AHCYL2: variants seen among roughly 807,000 people sequenced by gnomAD.
The protein encoded by AHCYL2 is S-adenosylhomocysteine hydrolase-like protein 2.
Under a neutral mutation model 81.4 loss-of-function variants are expected in AHCYL2, and 28 were observed. That is an observed-to-expected ratio of 0.34 (90% confidence interval 0.25 to 0.47). The LOEUF is 0.47. Among genes scored for constraint, AHCYL2 ranks in the 20% least tolerant of loss-of-function variants. The probability of loss-of-function intolerance (pLI) is 1.00; values close to 1 mark genes in which losing one functional copy is unlikely to be tolerated. For missense variants in AHCYL2, 551 were observed against 785.1 expected (o/e 0.70, Z 3.56); for synonymous variants, 272 against 290.2 (o/e 0.94, Z 0.64).
At chr7:129,416,166 A>T (rs745878124) in intron 12 of AHCYL2, among the ~76,000 whole-genome samples, 1 of 152,156 alleles carries the variant, frequency 6.6e-6, no homozygotes, top group Non-Finnish European at 1.5e-5. Flanking sequence ...TTAACTTCAA[A>T]TCATGATGGT....
intron 1 of AHCYL2, among the ~76,000 whole-genome samples, chr7:129,362,624 T>A (rs1451659427): frequency 5.3e-5 from 6 of 112,948 alleles, no homozygotes; most frequent in Middle Eastern, 4.4e-3. Context: ...TTTTTTTTTT[T>A]ATGGTCTCAG....
At chr7:129,370,591 T>G (rs974065926) in intron 1 of AHCYL2, among the ~76,000 whole-genome samples, 38 of 152,188 alleles carry the variant, frequency 2.5e-4, no homozygotes, top group South Asian at 1.9e-3. Context: ...CCAGCTACTC[T>G]GGAGGCTGAG....
At chr7:129,353,148 G>A (rs756148740) in intron 1 of AHCYL2, among the ~76,000 whole-genome samples, 4 of 151,804 alleles carry the variant, frequency 2.6e-5, no homozygotes, top group African/African-American at 7.3e-5. Context: ...GGGTTTCACC[G>A]TGTTGGCCAG....
Position 129,305,131 on chromosome 7 carries a change from C to T in AHCYL2, c.364-74507C>T, listed in dbSNP as rs140947972. Among the ~76,000 whole-genome samples, 89 of 151,964 alleles carry T rather than the reference C, an allele frequency of 5.9e-4. 1 individual carries two copies. The East Asian group carries it at 0.012, about 20-fold the overall frequency. On this transcript the variant is annotated intron_variant, in intron 1 of 16. Coordinates refer to ENST00000325006, the MANE Select transcript of AHCYL2 (RefSeq NM_015328.4). ...CATTATTTTAAACTGATGACAACACCGATTGTATAAACAGACAAGCAAAAA... is the reference window on the plus strand; with the variant it reads ...CATTATTTTAAACTGATGACAACACTGATTGTATAAACAGACAAGCAAAAA...
intron 5 of AHCYL2, among the ~76,000 whole-genome samples, chr7:129,399,531 C>T (rs908834686): frequency 2.0e-5 from 3 of 151,974 alleles, no homozygotes; most frequent in African/African-American, 4.8e-5. Context: ...GAACATGACA[C>T]TTAACTGGGC....
intron 1 of AHCYL2, among the ~76,000 whole-genome samples, chr7:129,256,616 T>C (rs1240448040): frequency 6.7e-6 from 1 of 148,790 alleles, no homozygotes; most frequent in African/African-American, 2.5e-5. Context: ...AATATTTCAT[T>C]GTATGGATGT....
chr7:129,323,459 C>T (rs192457649), intron 1 of AHCYL2, among the ~76,000 whole-genome samples: 16 of 151,918 alleles, frequency 1.1e-4, no homozygotes, highest in African/African-American at 3.4e-4. Context: ...TATTTAAATT[C>T]GTTTTATGGC....
intron 6 of AHCYL2, among the ~76,000 whole-genome samples, chr7:129,400,850 G>A (rs1324376868): frequency 2.0e-5 from 3 of 152,058 alleles, no homozygotes; most frequent in Non-Finnish European, 4.4e-5. Flanking sequence ...TTCATATAAT[G>A]AATTTATAGT....
chr7:129,400,576 C>T (rs1161872973), intron 6 of AHCYL2, among the ~76,000 whole-genome samples, 192 bp downstream of exon 6: 1 of 152,148 alleles, frequency 6.6e-6, no homozygotes, highest in African/African-American at 2.4e-5. Context: ...CTCTTATAAC[C>T]TCAGAGTGCC....
At chr7:129,330,980 A>G (rs941494713) in intron 1 of AHCYL2, among the ~76,000 whole-genome samples, 2 of 152,222 alleles carry the variant, frequency 1.3e-5, no homozygotes, top group Non-Finnish European at 2.9e-5. Context: ...GTAAGAAGCC[A>G]TCAGAGATTG....
At chr7:129,423,324 G>A (rs1797203376) in intron 13 of AHCYL2, among the ~76,000 whole-genome samples, 1 of 152,294 alleles carries the variant, frequency 6.6e-6, no homozygotes, top group Non-Finnish European at 1.5e-5. Flanking sequence ...ACTATCTTAG[G>A]CAAGTTCTGG....
At chr7:129,257,281 T>A (rs1046626848) in intron 1 of AHCYL2, among the ~76,000 whole-genome samples, 1 of 152,186 alleles carries the variant, frequency 6.6e-6, no homozygotes, top group Non-Finnish European at 1.5e-5. Context: ...CATTTGCTGT[T>A]TGATTTTGTT....
chr7:129,298,585 T>G (rs1184866618), intron 1 of AHCYL2, among the ~76,000 whole-genome samples: 1 of 152,206 alleles, frequency 6.6e-6, no homozygotes, highest in East Asian at 1.9e-4. Flanking sequence ...TAGCTTTTCC[T>G]AAAATTCCCA....
chr7:129,293,878 T>C (rs1015284872), intron 1 of AHCYL2, among the ~76,000 whole-genome samples: 1 of 152,196 alleles, frequency 6.6e-6, no homozygotes, highest in African/African-American at 2.4e-5. Context: ...GATTAAGACT[T>C]GGATGTGATT....
intron 1 of AHCYL2, among the ~76,000 whole-genome samples, chr7:129,299,275 T>A (rs1354015878): frequency 9.8e-6 from 1 of 101,918 alleles, no homozygotes; most frequent in Non-Finnish European, 2.2e-5. Flanking sequence ...AGTCCCCTCC[T>A]CTACCAAAAA....
At chr7:129,380,537 A>T (rs1320186383) in intron 2 of AHCYL2, among the ~76,000 whole-genome samples, 1 of 152,222 alleles carries the variant, frequency 6.6e-6, no homozygotes, top group Non-Finnish European at 1.5e-5. Context: ...CTTCGTACAA[A>T]TAGGAAAGTA....
chr7:129,248,996 CT>C (rs34696153), intron 1 of AHCYL2, among the ~76,000 whole-genome samples: 85 of 126,362 alleles, frequency 6.7e-4, no homozygotes, highest in African/African-American at 1.3e-3. Context: ...TAACAATAAA[CT>C]TTTTTTTTTT....
At chr7:129,396,705 G>C (rs757851366) in intron 4 of AHCYL2, among the ~76,000 whole-genome samples, 6 of 152,098 alleles carry the variant, frequency 3.9e-5, no homozygotes, top group Non-Finnish European at 8.8e-5. Flanking sequence ...ACAGTCGTGA[G>C]CCACCGTTCC....
At chr7:129,234,091 C>G (rs1794547964) in intron 1 of AHCYL2, among the ~76,000 whole-genome samples, 1 of 152,018 alleles carries the variant, frequency 6.6e-6, no homozygotes, top group African/African-American at 2.4e-5. Flanking sequence ...CACTCTGTAG[C>G]CCAGGCAGGA....
Sources: allele counts gnomAD v4.1 joint callset (sites outside exome capture counted in the v4.1 genomes callset), GRCh38; gene constraint gnomAD v4.1.1; transcripts MANE v1.5; gene names NCBI Gene and HGNC (gene_info 2026-07-23, HGNC 2026-07-21).